The following ARHGAP32 variants were observed in gnomAD, a reference collection of about 807,000 sequenced individuals.
ARHGAP32 encodes Rho GTPase activating protein 32.
A neutral mutation model predicts 186.5 loss-of-function variants in ARHGAP32; 51 were observed. The ratio of observed to expected loss-of-function variants is 0.27; its 90% CI spans 0.22 to 0.35. The LOEUF is 0.35. Ranked by LOEUF, ARHGAP32 falls within the 10% of genes least tolerant of loss-of-function variation. The probability of loss-of-function intolerance (pLI) is 1.00; values close to 1 mark genes in which losing one functional copy is unlikely to be tolerated. For synonymous variants in ARHGAP32, 950 were observed against 964.3 expected, an observed-to-expected ratio of 0.99 and a Z score of 0.27; for missense variants, 2,186 against 2,623.5, an observed-to-expected ratio of 0.83 and a Z score of 3.64.
At chr11:129,266,148 A>G (rs765172025) in intron 1 of ARHGAP32, among the ~76,000 whole-genome samples, 1 of 152,184 alleles carries the variant, frequency 6.6e-6, no homozygotes, top group Non-Finnish European at 1.5e-5. Flanking sequence ...CACGGAACAC[A>G]ATTTGGGTTA....
In ARHGAP32 at chr11:129,066,775, G is replaced by C; in HGVS notation, c.625C>G (p.Leu209Val). ...GTGTCAGAACGGGGAAGTTCTGAGA[G>C]CTGGGAAAATCTTCGGTCATAAATA... ...LCIYDRRFSQ[L>V]SELPRSDTLK... The change falls in exon 7 of 23, where the codon CTC becomes GTC. Residue 209 changes from leucine (L) to valine (V), a missense_variant. Physicochemically the swap from Leu to Val is conservative, Grantham distance 32. This residue lies in a region of ARHGAP32 where 308 missense variants were observed against 596.5 expected (regional missense o/e 0.52). Transcript: ENST00000682385. 6.2e-7 allele frequency: 1 copy of C among 1,612,452 alleles called. No individual in the cohort carries two copies. The highest frequency in any genetic ancestry group is 8.5e-7 in the Non-Finnish European group (1 of 1,178,966).
chr11:129,042,185 C>G (rs1006773941), intron 10 of ARHGAP32, among the ~76,000 whole-genome samples: 3 of 152,136 alleles, frequency 2.0e-5, no homozygotes, highest in Non-Finnish European at 4.4e-5. Context: ...GGGTCTCATT[C>G]TGTCACCCAG....
intron 21 of ARHGAP32, 152 bp downstream of exon 21, chr11:128,973,972 T>A (rs1945469666): frequency 3.3e-6 from 3 of 897,326 alleles, no homozygotes; most frequent in Admixed American, 5.3e-5. Flanking sequence ...GCTTTTAATT[T>A]AGGGCTCTGA....
intron 2 of ARHGAP32, among the ~76,000 whole-genome samples, chr11:129,129,457 G>T (rs1039439757): frequency 6.6e-6 from 1 of 151,832 alleles, no homozygotes; most frequent in Non-Finnish European, 1.5e-5. Flanking sequence ...TCTGGGAGGT[G>T]GGGGGCGCCT....
Position 128,974,447 on chromosome 11 carries a change from G to A in ARHGAP32, c.2750C>T (p.Pro917Leu), listed in dbSNP as rs570863197. 69 of 1,614,174 alleles carry A rather than the reference G, an allele frequency of 4.3e-5. No homozygotes were observed. In the East Asian group the frequency reaches 1.4e-3, roughly 33 times the overall value. Residue 917 changes from proline (P) to leucine (L), a missense_variant, in exon 21 of 23, where the codon CCT (proline) becomes CTT (leucine). Pro to Leu is a moderately conservative substitution (Grantham distance 98, BLOSUM62 -3). Around this residue, in one of 5 missense-constraint regions of ARHGAP32, gnomAD observed 1,502 missense variants for 1,570.0 expected, o/e 0.96. Coordinates refer to ENST00000682385, the MANE Select transcript of ARHGAP32 (RefSeq NM_001378024.1). Reference protein sequence around the residue: ...PKIGRKLSKSPSMSISEPISV... With the variant: ...PKIGRKLSKSLSMSISEPISV... ...AATTGGCTCAGATATGCTCATAGAA[G>A]GTGATTTGCTTAATTTCCGTCCTAT...
rs78369078 is a variant in ARHGAP32, at chr11:129,017,884, T to C, written c.1046-19416A>G. ...TTACCTATCCCCAATTGCTAAGATA[T>C]ATAAAAGGAACAAGTGTTGACCTTT... On this transcript the variant is annotated intron_variant, in intron 11 of 22. Transcript: ENST00000682385. 5.1e-3 allele frequency among the ~76,000 whole-genome samples: 778 copies of C among 152,326 alleles called. 4 individuals are homozygous for C. The highest frequency in any genetic ancestry group is 0.018 in the African/African-American group (734 of 41,576).
Position 129,123,636 on chromosome 11 carries a change from T to G in ARHGAP32, c.360-106A>C, listed in dbSNP as rs1942586717. 1 of 1,036,354 alleles carries G rather than the reference T, an allele frequency of 9.6e-7. No individual in the cohort carries two copies. Among genetic ancestry groups the G allele is most frequent in the South Asian group, 1.4e-5 (1 of 69,514 alleles). The allele number at this position is 1,036,354 out of a possible 1,614,324, so 64.2% of individuals were successfully genotyped here. A position where few individuals can be genotyped will look rare whatever the true frequency, so the allele number is the denominator to read the frequency against. On this transcript the variant is annotated intron_variant, in intron 4 of 22. Coordinates refer to ENST00000682385, the MANE Select transcript of ARHGAP32 (RefSeq NM_001378024.1). This position sits in a 1 kb window ranked among gnomAD's most constrained non-coding sequence, Gnocchi z 4.6. ...TAAGAGCTCATGCAAGCAAAAATAT[T>G]TCGTAAGCACATGCGCATGAGCCAC... is the stretch of plus-strand genomic sequence containing the variant.
intron 1 of ARHGAP32, among the ~76,000 whole-genome samples, chr11:129,209,154 T>A (rs566729032): frequency 3.3e-5 from 5 of 152,188 alleles, no homozygotes; most frequent in African/African-American, 1.2e-4. Context: ...ATCTCATTAA[T>A]AACAATGACT....
intron 10 of ARHGAP32, among the ~76,000 whole-genome samples, chr11:129,057,674 A>C (rs1235268672): frequency 6.7e-6 from 1 of 149,886 alleles, no homozygotes; most frequent in Non-Finnish European, 1.5e-5. Flanking sequence ...CACATCCCAC[A>C]AATACTGTAT....
At chr11:128,980,371 C>A in intron 18 of ARHGAP32, 182 bp downstream of exon 18, 2 of 458,744 alleles carry the variant, frequency 4.4e-6, no homozygotes, top group East Asian at 3.4e-5. Context: ...AAGCAAGAAT[C>A]ATTTGCATCA....
chr11:129,060,788 T>A (rs1591578444), intron 10 of ARHGAP32, among the ~76,000 whole-genome samples: 1 of 149,004 alleles, frequency 6.7e-6, no homozygotes, highest in East Asian at 2.0e-4. Context: ...TCTTTAAATT[T>A]AAAAATCAAC....
intron 1 of ARHGAP32, among the ~76,000 whole-genome samples, chr11:129,269,243 C>T (rs1404736690): frequency 6.6e-6 from 1 of 151,960 alleles, no homozygotes; most frequent in Admixed American, 6.6e-5. Context: ...TGCACTCCAG[C>T]CTGGGTGACA....
chr11:129,098,493 A>G (rs1469917290), intron 5 of ARHGAP32, among the ~76,000 whole-genome samples: 1 of 150,754 alleles, frequency 6.6e-6, no homozygotes, highest in African/African-American at 2.4e-5. Context: ...ATCTCGGCTC[A>G]CTACAAGCTC....
intron 2 of ARHGAP32, among the ~76,000 whole-genome samples, chr11:129,149,143 A>C (rs1943236270): frequency 6.6e-6 from 1 of 152,150 alleles, no homozygotes; most frequent in Non-Finnish European, 1.5e-5. Context: ...ACTATAGCTG[A>C]TGCTCTTTTG....
chr11:129,274,752 GA>G (rs371168943), intron 1 of ARHGAP32, among the ~76,000 whole-genome samples: 23 of 148,758 alleles, frequency 1.5e-4, no homozygotes, highest in South Asian at 6.4e-4. Flanking sequence ...GATCTATTTA[GA>G]AAAAAAAAAT....
chr11:128,987,608 G>A (rs1273915450), intron 13 of ARHGAP32, among the ~76,000 whole-genome samples: 3 of 152,200 alleles, frequency 2.0e-5, no homozygotes, highest in African/African-American at 4.8e-5. Flanking sequence ...TGGGGAGGAT[G>A]TGAAATATGT....
chr11:129,152,408 CA>C (rs1413917645), intron 2 of ARHGAP32, among the ~76,000 whole-genome samples: 1 of 152,008 alleles, frequency 6.6e-6, no homozygotes, highest in Non-Finnish European at 1.5e-5. Flanking sequence ...ACCCAAATAC[CA>C]AAACCAGGAA....
In ARHGAP32 at chr11:128,970,211, A is replaced by C; in HGVS notation, c.5002T>G (p.Ser1668Ala). 1 of 1,614,210 alleles carries C rather than the reference A, an allele frequency of 6.2e-7. No homozygotes were observed. Among genetic ancestry groups the C allele is most frequent in the Non-Finnish European group, 8.5e-7 (1 of 1,180,042 alleles). Residue 1668 changes from serine to alanine, a missense_variant, in exon 23 of 23, where the codon TCC becomes GCC. This residue lies in a region of ARHGAP32 where 1,502 missense variants were observed against 1,570.0 expected (regional missense o/e 0.96). Transcript: ENST00000682385. This position sits in a 1 kb window ranked among gnomAD's most constrained non-coding sequence, Gnocchi z 5.8. ...GRVHYRYSPY[S>A]SSSSSYYSPD... is the part of the protein sequence containing the mutation. Reference sequence around the variant, plus strand: ...CTGTAATAGGAACTAGAAGAACTGGAATATGGGCTATACCTGTAGTGGACC... The same window carrying C: ...CTGTAATAGGAACTAGAAGAACTGGCATATGGGCTATACCTGTAGTGGACC...
intron 1 of ARHGAP32, among the ~76,000 whole-genome samples, chr11:129,167,298 GA>G (rs1247999771): frequency 1.3e-5 from 2 of 152,098 alleles, no homozygotes; most frequent in Non-Finnish European, 2.9e-5. Context: ...AGCCACTGTG[GA>G]AAAGACTGGC....
Sources: allele counts gnomAD v4.1 joint callset (sites outside exome capture counted in the v4.1 genomes callset), GRCh38; gene constraint gnomAD v4.1.1; regional missense constraint gnomAD v4.1.1; non-coding constraint Gnocchi (gnomAD v3.1); transcripts MANE v1.5; gene names NCBI Gene and HGNC (gene_info 2026-07-23, HGNC 2026-07-21).